Variants in CHN1 observed in about 807,000 individuals in gnomAD.
CHN1 encodes chimerin 1, also known as N-chimaerin.
In CHN1, 37 loss-of-function variants were observed where a neutral mutation model predicts 59.5. The ratio of observed to expected loss-of-function variants is 0.62; its 90% CI spans 0.48 to 0.82. CHN1 has a LOEUF of 0.82. Among genes scored for constraint, CHN1 ranks in the 40% least tolerant of loss-of-function variants. CHN1 has a pLI of 0.00. For synonymous variants in CHN1, 206 were observed against 200.4 expected (o/e 1.03, Z -0.24); for missense variants, 469 against 571.0 (o/e 0.82, Z 1.82).
At chr2:174,930,026 C>T (rs1458724028) in intron 3 of CHN1, among the ~76,000 whole-genome samples, 1 of 152,166 alleles carries the variant, frequency 6.6e-6, no homozygotes, top group African/African-American at 2.4e-5. Flanking sequence ...GTCATGGATG[C>T]GTATAGTTTA....
At chr2:174,992,636 T>C (rs1386311671) in intron 1 of CHN1, among the ~76,000 whole-genome samples, 1 of 152,196 alleles carries the variant, frequency 6.6e-6, no homozygotes, top group Non-Finnish European at 1.5e-5. Flanking sequence ...ATGACACTTG[T>C]GACAAGATGC....
intron 5 of CHN1, among the ~76,000 whole-genome samples, chr2:174,900,662 G>A (rs62183358): frequency 1.7e-3 from 265 of 152,110 alleles, no homozygotes; most frequent in Non-Finnish European, 3.1e-3. Flanking sequence ...AAAATTAGCC[G>A]GGCGTGGTGA....
chr2:174,813,313 G>A (rs528569940), intron 8 of CHN1, among the ~76,000 whole-genome samples: 6 of 152,296 alleles, frequency 3.9e-5, no homozygotes, highest in African/African-American at 9.6e-5. Context: ...CTGAAGAGAC[G>A]TATAGGATGA....
At chr2:174,956,193 C>T (rs1690198932) in intron 1 of CHN1, among the ~76,000 whole-genome samples, 2 of 151,906 alleles carry the variant, frequency 1.3e-5, no homozygotes, top group Admixed American at 6.6e-5. Flanking sequence ...GTAAAATATC[C>T]AAAATGTTGA....
chr2:174,999,568 A>G (rs1268622926), intron 1 of CHN1, among the ~76,000 whole-genome samples: 1 of 152,238 alleles, frequency 6.6e-6, no homozygotes, highest in Non-Finnish European at 1.5e-5. Flanking sequence ...TATAACATAT[A>G]AAGCATGACC....
intron 3 of CHN1, among the ~76,000 whole-genome samples, chr2:174,925,986 T>C (rs1689155461): frequency 6.6e-6 from 1 of 152,214 alleles, no homozygotes; most frequent in Admixed American, 6.5e-5. Context: ...CTGTTAACAA[T>C]AGCATGGTTT....
At chr2:174,952,068 T>C (rs1196470533) in intron 2 of CHN1, 96 bp downstream of exon 2, 19 of 751,918 alleles carry the variant, frequency 2.5e-5, no homozygotes, top group Non-Finnish European at 3.7e-5. Flanking sequence ...TTTTCAACAA[T>C]GGGTACAAAA....
intron 6 of CHN1, among the ~76,000 whole-genome samples, chr2:174,870,679 G>A (rs1687379384): frequency 6.6e-6 from 1 of 152,100 alleles, no homozygotes; most frequent in African/African-American, 2.4e-5. Flanking sequence ...TACCCCAAAT[G>A]GTGTTACTCT....
At position 174,840,161 on chromosome 2, in the gene CHN1, C is replaced by CTTTTTTT. The variant is rs71407154; in HGVS notation, c.627+6712_627+6718dup. 1.9e-3 allele frequency among the ~76,000 whole-genome samples: 128 copies of CTTTTTTT among 67,408 alleles called. 1 individual carries two copies. The highest frequency in any genetic ancestry group is 2.3e-3 in the Non-Finnish European group (86 of 37,454). 44.2% of individuals were successfully genotyped at this position (67,408 alleles called of 152,430 possible). On this transcript the variant is annotated intron_variant, in intron 7 of 12. Coordinates refer to ENST00000409900, the MANE Select transcript of CHN1 (RefSeq NM_001822.7). Reference sequence around the variant, plus strand: ...GCCAGTGTTTATGCATAAAACCATTCTTTTTTTTTTTTTTTTTTTTTTTTT... The same window carrying CTTTTTTT: ...GCCAGTGTTTATGCATAAAACCATTCTTTTTTTTTTTTTTTTTTTTTTTTTTTTTTTT...
chr2:175,000,727 AAC>A (rs530441597), intron 1 of CHN1, among the ~76,000 whole-genome samples: 134 of 152,256 alleles, frequency 8.8e-4, no homozygotes, highest in African/African-American at 3.0e-3. Flanking sequence ...TACAGGCATG[AAC>A]CACTGCACCC....
chr2:174,862,578 G>A (rs972510748), intron 6 of CHN1, among the ~76,000 whole-genome samples: 1 of 152,114 alleles, frequency 6.6e-6, no homozygotes, highest in African/African-American at 2.4e-5. Flanking sequence ...TGATCCACCT[G>A]CCTCGGCCTC....
chr2:174,829,756 G>T (rs1685808255), intron 7 of CHN1, among the ~76,000 whole-genome samples: 1 of 152,210 alleles, frequency 6.6e-6, no homozygotes. Context: ...ATTTGGGACT[G>T]TGATGAGTCA....
At chr2:174,946,821 T>C (rs1361824692) in intron 2 of CHN1, among the ~76,000 whole-genome samples, 1 of 150,314 alleles carries the variant, frequency 6.7e-6, no homozygotes, top group Non-Finnish European at 1.5e-5. Context: ...CCCAGCACTT[T>C]GGGAGGCCAA....
chr2:174,807,446 CTGTGTG>C (rs71031071), intron 11 of CHN1, among the ~76,000 whole-genome samples: 5,677 of 83,606 alleles, frequency 0.068, 218 homozygotes, highest in Non-Finnish European at 0.074. Flanking sequence ...CACGGGCTAT[CTGTGTG>C]TGTGTGTGTG....
intron 1 of CHN1, among the ~76,000 whole-genome samples, chr2:174,977,336 G>T (rs1323260610): frequency 6.6e-6 from 1 of 152,174 alleles, no homozygotes; most frequent in Non-Finnish European, 1.5e-5. Context: ...TATCATTAGA[G>T]TCCAGAGTGC....
At chr2:174,922,464 G>A (rs1689042774) in intron 3 of CHN1, among the ~76,000 whole-genome samples, 1 of 152,166 alleles carries the variant, frequency 6.6e-6, no homozygotes, top group East Asian at 1.9e-4. Context: ...ACCAAGGTAG[G>A]AGAACTGCTT....
chr2:175,000,043 T>C (rs1446960474), intron 1 of CHN1, among the ~76,000 whole-genome samples: 2 of 152,178 alleles, frequency 1.3e-5, no homozygotes, highest in Admixed American at 6.5e-5. Flanking sequence ...AATTATTTTA[T>C]TGTTCTTACA....
At chr2:174,834,354 T>C (rs1190645852) in intron 7 of CHN1, among the ~76,000 whole-genome samples, 3 of 152,238 alleles carry the variant, frequency 2.0e-5, no homozygotes, top group East Asian at 1.9e-4. Flanking sequence ...CTATTACTTC[T>C]AGTGTTCTTT....
intron 5 of CHN1, among the ~76,000 whole-genome samples, chr2:174,898,134 A>G (rs1688276244): frequency 6.6e-6 from 1 of 152,150 alleles, no homozygotes; most frequent in African/African-American, 2.4e-5. Flanking sequence ...GAATGTGCAT[A>G]TAAAGTCTGG....
Sources: gnomAD v4.1 joint callset for allele counts (sites outside exome capture counted in the v4.1 genomes callset) on GRCh38, gnomAD v4.1.1 for gene constraint, MANE v1.5 for transcripts, NCBI Gene and HGNC (gene_info 2026-07-23, HGNC 2026-07-21) for gene names.